SLC25A13: variants seen among roughly 807,000 people sequenced by gnomAD.
The protein encoded by SLC25A13 is solute carrier family 25 member 13.
A neutral mutation model predicts 85.5 loss-of-function variants in SLC25A13; 70 were observed. The ratio of observed to expected loss-of-function variants is 0.82; its 90% CI spans 0.68 to 1.00. The LOEUF (loss-of-function observed/expected upper bound fraction) is 1.00. SLC25A13 is among the 50% of genes least tolerant of loss of function. The pLI is 0.00. For synonymous variants in SLC25A13, 259 were observed against 288.7 expected, an observed-to-expected ratio of 0.90 and a Z score of 1.04; for missense variants, 765 against 819.8, an observed-to-expected ratio of 0.93 and a Z score of 0.82.
rs942880198 is a variant in SLC25A13 at position 96,184,511 on chromosome 7, G to C, written c.1019-76C>G. On this transcript the variant is annotated intron_variant, in intron 10 of 17. Transcript: ENST00000265631. ...GAAAGAAGAAGGTAGTTAAAGTCAA[G>C]GACAAGACTGAGAAAAGAAATGTGT... is the stretch of plus-strand genomic sequence containing the variant. 52 of 1,387,240 alleles carry C rather than the reference G, an allele frequency of 3.7e-5. 1 individual carries two copies. The highest frequency in any genetic ancestry group is 4.9e-5 in the Non-Finnish European group (48 of 989,590). The allele number at this position is 1,387,240 out of a possible 1,614,324, so 85.9% of individuals were successfully genotyped here. A position where few individuals can be genotyped will look rare whatever the true frequency, so the allele number is the denominator to read the frequency against.
chr7:96,188,030 G>C (rs1794703057), intron 9 of SLC25A13, among the ~76,000 whole-genome samples: 1 of 151,960 alleles, frequency 6.6e-6, no homozygotes, highest in Non-Finnish European at 1.5e-5. Flanking sequence ...GAGCTTAAAG[G>C]AAAAATTGTG....
chr7:96,209,494 T>C (rs1407419767), intron 4 of SLC25A13, among the ~76,000 whole-genome samples: 3 of 152,158 alleles, frequency 2.0e-5, no homozygotes, highest in Non-Finnish European at 4.4e-5. Flanking sequence ...CCTAAGGCTG[T>C]TTCTGTGTTT....
rs1282323472 is a variant in SLC25A13, at chr7:96,121,092, G to C, written c.*99C>G. ...AGCCTGGACTTGAATTTAAACAAGA[G>C]ATGGACGTAAAAGGGATGAAGCATT... On this transcript the variant is annotated 3_prime_UTR_variant, in exon 18 of 18. Coordinates refer to ENST00000265631, the MANE Select transcript of SLC25A13 (RefSeq NM_014251.3). The C allele has an allele frequency of 1.5e-6, 2 of 1,307,162 alleles. No homozygotes were observed. Among genetic ancestry groups the C allele is most frequent in the East Asian group, 2.3e-5 (1 of 43,394 alleles). The allele number at this position is 1,307,162 out of a possible 1,614,324, so 81.0% of individuals were successfully genotyped here. A position where few individuals can be genotyped will look rare whatever the true frequency, so the allele number is the denominator to read the frequency against.
chr7:96,253,991 G>A (rs1397466689), intron 3 of SLC25A13, among the ~76,000 whole-genome samples: 1 of 152,176 alleles, frequency 6.6e-6, no homozygotes, highest in African/African-American at 2.4e-5. Context: ...ACGACTAAGA[G>A]ATAAAAGCAA....
rs150274158 is a variant in SLC25A13 at position 96,230,483 on chromosome 7, T to C, written c.328+4319A>G. On this transcript the variant is annotated intron_variant, in intron 4 of 17. Coordinates refer to ENST00000265631, the MANE Select transcript of SLC25A13 (RefSeq NM_014251.3). ...TGCTGTCATTCAACAAAGTGTACTT[T>C]AAAAAATCACTGTCACATACAATAG... 2.1e-3 allele frequency among the ~76,000 whole-genome samples: 320 copies of C among 152,326 alleles called. 2 individuals are homozygous for C. The highest frequency in any genetic ancestry group is 6.8e-3 in the Middle Eastern group (2 of 294).
At chr7:96,278,182 A>C (rs901298749) in intron 2 of SLC25A13, among the ~76,000 whole-genome samples, 1 of 152,174 alleles carries the variant, frequency 6.6e-6, no homozygotes, top group Admixed American at 6.5e-5. Flanking sequence ...ACATGGGATC[A>C]TGTGGTGTCC....
At chr7:96,317,935 G>A (rs1293057754) in intron 1 of SLC25A13, among the ~76,000 whole-genome samples, 5 of 151,422 alleles carry the variant, frequency 3.3e-5, no homozygotes, top group East Asian at 1.9e-4. Flanking sequence ...CCAAGTAGCC[G>A]GGACCACAGA....
chr7:96,233,917 CTA>C (rs1162524588), intron 4 of SLC25A13, among the ~76,000 whole-genome samples: 1 of 152,220 alleles, frequency 6.6e-6, no homozygotes, highest in Admixed American at 6.5e-5. Flanking sequence ...GTCTCACGTT[CTA>C]TGACGCTATG....
intron 3 of SLC25A13, among the ~76,000 whole-genome samples, chr7:96,239,199 T>C (rs1796869628): frequency 6.7e-6 from 1 of 149,656 alleles, no homozygotes; most frequent in African/African-American, 2.4e-5. Context: ...TCCTGTTAGA[T>C]ATGAGTATTA....
chr7:96,317,947 G>A (rs1800193450), intron 1 of SLC25A13, among the ~76,000 whole-genome samples: 1 of 151,638 alleles, frequency 6.6e-6, no homozygotes, highest in African/African-American at 2.4e-5. Context: ...GACCACAGAT[G>A]CGTGCCACCA....
chr7:96,252,398 T>C (rs1056164202), intron 3 of SLC25A13, among the ~76,000 whole-genome samples: 3 of 151,970 alleles, frequency 2.0e-5, no homozygotes, highest in African/African-American at 7.3e-5. Context: ...GAGCAAGCAA[T>C]AGGAAAGAAT....
intron 3 of SLC25A13, among the ~76,000 whole-genome samples, chr7:96,240,345 A>G (rs958638222): frequency 3.9e-5 from 6 of 152,184 alleles, no homozygotes; most frequent in African/African-American, 1.4e-4. Context: ...TCAGTCTTGC[A>G]ATAAAAGTGA....
intron 9 of SLC25A13, among the ~76,000 whole-genome samples, chr7:96,187,005 A>C (rs948757873): frequency 6.6e-6 from 1 of 152,002 alleles, no homozygotes; most frequent in Non-Finnish European, 1.5e-5. Context: ...TTTTTTGTCC[A>C]TCTTTTCTAA....
intron 13 of SLC25A13, among the ~76,000 whole-genome samples, chr7:96,167,715 GA>G (rs1198771421): frequency 1.3e-5 from 2 of 152,162 alleles, no homozygotes; most frequent in African/African-American, 4.8e-5. Context: ...TGAGGCTGTG[GA>G]ACTCACAACA....
chr7:96,307,878 G>T (rs757048475), intron 1 of SLC25A13, among the ~76,000 whole-genome samples: 1 of 151,448 alleles, frequency 6.6e-6, no homozygotes, highest in South Asian at 2.1e-4. Flanking sequence ...GCGGCCGGGC[G>T]CAGTGGCTCA....
At chr7:96,206,862 A>G (rs78660450) in intron 5 of SLC25A13, among the ~76,000 whole-genome samples, 1,941 of 152,322 alleles carry the variant, frequency 0.013, 39 homozygotes, top group African/African-American at 0.045. Context: ...TACTCAATTC[A>G]GTATAATTGA....
At chr7:96,281,808 C>CTGGG (rs539005585) in intron 2 of SLC25A13, among the ~76,000 whole-genome samples, 123 of 152,304 alleles carry the variant, frequency 8.1e-4, no homozygotes, top group African/African-American at 2.9e-3. Context: ...AATCTGGGCA[C>CTGGG]AGAAATAGTT....
chr7:96,230,911 C>A (rs1334658953), intron 4 of SLC25A13, among the ~76,000 whole-genome samples: 1 of 152,182 alleles, frequency 6.6e-6, no homozygotes, highest in African/African-American at 2.4e-5. Context: ...GAGTTCGAGA[C>A]CAGCTTCGCC....
At chr7:96,123,298 A>G (rs1791591603) in intron 15 of SLC25A13, among the ~76,000 whole-genome samples, 1 of 152,142 alleles carries the variant, frequency 6.6e-6, no homozygotes, top group Non-Finnish European at 1.5e-5. Flanking sequence ...AACAAGAAAA[A>G]TGCTTAGAAA....
Sources: gnomAD v4.1 joint callset for allele counts (sites outside exome capture counted in the v4.1 genomes callset) on GRCh38, gnomAD v4.1.1 for gene constraint, MANE v1.5 for transcripts, NCBI Gene and HGNC (gene_info 2026-07-23, HGNC 2026-07-21) for gene names.